ZSWIM5: variants seen among roughly 807,000 people sequenced by gnomAD.
ZSWIM5 encodes the protein zinc finger SWIM domain-containing protein 5.
ZSWIM5 carries 55 observed loss-of-function variants against 119.6 expected under a neutral mutation model. The observed-to-expected ratio is 0.46, with a 90% CI of 0.37 to 0.58. ZSWIM5 has a LOEUF of 0.58. Ranked by LOEUF, ZSWIM5 falls within the 20% of genes least tolerant of loss-of-function variation. The pLI is 0.00. For missense variants in ZSWIM5, 1,193 were observed against 1,512.8 expected (o/e 0.79, Z 3.51); for synonymous variants, 537 against 606.9 (o/e 0.88, Z 1.69).
At chr1:45,136,350 A>C (rs1645689805) in intron 1 of ZSWIM5, among the ~76,000 whole-genome samples, 1 of 152,208 alleles carries the variant, frequency 6.6e-6, no homozygotes, top group African/African-American at 2.4e-5. Flanking sequence ...TCATGGTTAC[A>C]AAATTTCATA....
At chr1:45,041,795 C>G (rs537934064) in intron 6 of ZSWIM5, among the ~76,000 whole-genome samples, 2 of 152,226 alleles carry the variant, frequency 1.3e-5, no homozygotes, top group Non-Finnish European at 2.9e-5. Flanking sequence ...ACCTCAGCCT[C>G]TCAATGTGCT....
At chr1:45,108,376 C>T (rs1645494426) in intron 1 of ZSWIM5, among the ~76,000 whole-genome samples, 2 of 152,122 alleles carry the variant, frequency 1.3e-5, no homozygotes, top group East Asian at 3.9e-4. Context: ...AAACAATAAA[C>T]TTCTTTCAAA....
At chr1:45,190,117 C>A (rs1020080874) in intron 1 of ZSWIM5, among the ~76,000 whole-genome samples, 1 of 152,000 alleles carries the variant, frequency 6.6e-6, no homozygotes, top group Admixed American at 6.5e-5. Flanking sequence ...AGTTCAAGAC[C>A]AGCTTGGGCA....
At chr1:45,113,401 G>C (rs569337278) in intron 1 of ZSWIM5, among the ~76,000 whole-genome samples, 147 of 152,140 alleles carry the variant, frequency 9.7e-4, no homozygotes, top group Non-Finnish European at 1.7e-3. Context: ...ACAGGGTCTT[G>C]CTGTGTTGCC....
At chr1:45,190,133 G>C (rs574852612) in intron 1 of ZSWIM5, among the ~76,000 whole-genome samples, 9 of 152,166 alleles carry the variant, frequency 5.9e-5, no homozygotes, top group African/African-American at 2.2e-4. Flanking sequence ...GGGCAACATG[G>C]AAAAACCCTG....
intron 1 of ZSWIM5, among the ~76,000 whole-genome samples, chr1:45,197,565 G>A (rs1646133819): frequency 6.6e-6 from 1 of 152,076 alleles, no homozygotes; most frequent in Non-Finnish European, 1.5e-5. Context: ...AAGCATTTGG[G>A]TCATTTCTAG....
Position 45,040,440 on chromosome 1 carries a change from T to C in ZSWIM5, c.1708A>G (p.Arg570Gly). Residue 570 changes from arginine to glycine, a missense_variant, in exon 7 of 14, where the codon AGG becomes GGG. Arg to Gly is a moderately radical substitution (Grantham distance 125, BLOSUM62 -2). Coordinates refer to ENST00000359600, the MANE Select transcript of ZSWIM5 (RefSeq NM_020883.2). ...RLTVAIINTL[R>G]LQQQRQLEIY... ...TCCAGTTGCCGCTGCTGCTGCAACC[T>C]CAGAGTATTAATAATGGCCACTGTG... 1 of 1,611,500 alleles carries C rather than the reference T, an allele frequency of 6.2e-7. No homozygotes were observed.
intron 11 of ZSWIM5, among the ~76,000 whole-genome samples, chr1:45,031,716 C>T (rs936615354): frequency 8.6e-5 from 13 of 151,562 alleles, no homozygotes; most frequent in African/African-American, 2.7e-4. Flanking sequence ...GGCGGGCACC[C>T]GTAGTCCCAG....
chr1:45,146,525 C>T (rs1172526865), intron 1 of ZSWIM5, among the ~76,000 whole-genome samples: 1 of 147,692 alleles, frequency 6.8e-6, no homozygotes, highest in Admixed American at 6.8e-5. Flanking sequence ...CTGCAACCTC[C>T]GCTTCCCCGG....
intron 11 of ZSWIM5, among the ~76,000 whole-genome samples, chr1:45,031,428 C>T (rs528865645): frequency 2.0e-5 from 3 of 151,310 alleles, no homozygotes; most frequent in Non-Finnish European, 4.4e-5. Context: ...AAGTGATCTG[C>T]CTTCCTTGGC....
At chr1:45,115,536 G>C (rs892158863) in intron 1 of ZSWIM5, among the ~76,000 whole-genome samples, 1 of 150,890 alleles carries the variant, frequency 6.6e-6, no homozygotes, top group African/African-American at 2.4e-5. Context: ...TCACATCCCA[G>C]ACGGGGCGCG....
chr1:45,158,950 T>C lies in ZSWIM5; in HGVS notation c.595+46806A>G, dbSNP rs557376676. Among the ~76,000 whole-genome samples, 270 of 152,072 alleles carry C rather than the reference T, an allele frequency of 1.8e-3. 4 individuals are homozygous for C. The highest frequency in any genetic ancestry group is 6.8e-3 in the Middle Eastern group (2 of 294). ...AAATGAAATTCAGCTGGAGGTGAAA[T>C]TGGAAAGAAAAAGGTGAATAATTTA... is the stretch of plus-strand genomic sequence containing the variant. On this transcript the variant is annotated intron_variant, in intron 1 of 13. Coordinates refer to ENST00000359600, the MANE Select transcript of ZSWIM5 (RefSeq NM_020883.2).
intron 1 of ZSWIM5, among the ~76,000 whole-genome samples, chr1:45,115,331 A>C (rs1645546539): frequency 6.6e-6 from 1 of 151,186 alleles, no homozygotes; most frequent in South Asian, 2.1e-4. Flanking sequence ...GACGCTCCTC[A>C]TTTCCCAGAC....
chr1:45,040,203 G>T (rs761329387), intron 7 of ZSWIM5, among the ~76,000 whole-genome samples, 189 bp downstream of exon 7: 1 of 152,182 alleles, frequency 6.6e-6, no homozygotes, highest in Non-Finnish European at 1.5e-5. Context: ...ACTGCCTTAT[G>T]AGGGAGGCAA....
rs369431193 is a variant in ZSWIM5, at chr1:45,043,244, A to G, written c.1584T>C (p.Asn528=). 2.5e-6 allele frequency: 4 copies of G among 1,613,796 alleles called. No individual in the cohort carries two copies. In the African/African-American group the frequency reaches 5.3e-5, roughly 22 times the overall value. Residue 528 remains asparagine (N), a synonymous_variant, in exon 6 of 14, where the codon AAT becomes AAC. Coordinates refer to ENST00000359600, the MANE Select transcript of ZSWIM5 (RefSeq NM_020883.2). Reference sequence around the variant, plus strand: ...CAAGCCACAGTGGCTGGCCTTGGGAATTAAAGAGTAGTCTTTCACTTTCCC... The same window carrying G: ...CAAGCCACAGTGGCTGGCCTTGGGAGTTAAAGAGTAGTCTTTCACTTTCCC... The part of the protein sequence containing the change: ...CQRESERLLF[N]SQGQPLWLEH...
At chr1:45,181,829 C>T (rs1428569225) in intron 1 of ZSWIM5, among the ~76,000 whole-genome samples, 1 of 152,006 alleles carries the variant, frequency 6.6e-6, no homozygotes, top group African/African-American at 2.4e-5. Flanking sequence ...TCCAGCCAAA[C>T]TAAGCTTCAT....
chr1:45,062,855 G>C (rs546907824), intron 2 of ZSWIM5, among the ~76,000 whole-genome samples: 1 of 152,076 alleles, frequency 6.6e-6, no homozygotes, highest in Middle Eastern at 3.2e-3. Flanking sequence ...GGGGATATAC[G>C]TACAGGTTTG....
chr1:45,203,534 A>C (rs1476795015), intron 1 of ZSWIM5, among the ~76,000 whole-genome samples: 2 of 152,064 alleles, frequency 1.3e-5, no homozygotes, highest in Non-Finnish European at 2.9e-5. Flanking sequence ...AGAATTCTTA[A>C]TTAGCATCAC....
chr1:45,081,556 G>A (rs1216816146), intron 2 of ZSWIM5, among the ~76,000 whole-genome samples: 4 of 152,316 alleles, frequency 2.6e-5, no homozygotes, highest in East Asian at 1.9e-4. Flanking sequence ...CGAGTGATCC[G>A]CCAGCCTCGG....
Sources: allele counts gnomAD v4.1 joint callset (sites outside exome capture counted in the v4.1 genomes callset), GRCh38; gene constraint gnomAD v4.1.1; transcripts MANE v1.5; gene names NCBI Gene and HGNC (gene_info 2026-07-23, HGNC 2026-07-21).